Variants in COL23A1 observed in about 807,000 individuals in gnomAD.
The protein encoded by COL23A1 is collagen type XXIII alpha 1 chain, also known as collagen alpha-1(XXIII) chain.
A neutral mutation model predicts 99.3 loss-of-function variants in COL23A1; 97 were observed. The observed-to-expected ratio is 0.98, with a 90% CI of 0.83 to 1.16. The LOEUF (loss-of-function observed/expected upper bound fraction) is 1.16, where lower values mean the gene tolerates loss of function less well. Ranked by LOEUF, COL23A1 falls within the 50% of genes most tolerant of loss-of-function variation. The pLI is 0.00. For synonymous variants in COL23A1, 320 were observed against 308.2 expected (o/e 1.04, Z -0.40); for missense variants, 762 against 757.4 (o/e 1.01, Z -0.07).
Position 178,355,701 on chromosome 5 carries a change from A to C in COL23A1, c.362-48782T>G, listed in dbSNP as rs116110632. On this transcript the variant is annotated intron_variant, in intron 2 of 28. Coordinates refer to ENST00000390654, the MANE Select transcript of COL23A1 (RefSeq NM_173465.4). ...GCTCACGCCGCCAAGGATGTTAGCC[A>C]GAATGGTCTCCATCTCCTGACCTCA... Among the ~76,000 whole-genome samples the C allele has an allele frequency of 5.4e-3, 822 of 152,298 alleles. 10 individuals carry two copies. Among genetic ancestry groups the C allele is most frequent in the Middle Eastern group, 6.8e-3 (2 of 294 alleles).
chr5:178,379,812 C>A (rs764176680), intron 2 of COL23A1, among the ~76,000 whole-genome samples: 1 of 150,066 alleles, frequency 6.7e-6, no homozygotes, highest in African/African-American at 2.5e-5. Flanking sequence ...ACCCAGGAGG[C>A]GGAGGTTGCG....
At chr5:178,467,391 G>A (rs1301325578) in intron 2 of COL23A1, among the ~76,000 whole-genome samples, 4 of 152,232 alleles carry the variant, frequency 2.6e-5, no homozygotes, top group Non-Finnish European at 5.9e-5. Flanking sequence ...TCTGGGCCAC[G>A]CTAAGCTGGG....
intron 2 of COL23A1, among the ~76,000 whole-genome samples, chr5:178,392,135 T>C (rs994932612): frequency 7.1e-6 from 1 of 140,194 alleles, no homozygotes; most frequent in Non-Finnish European, 1.6e-5. Flanking sequence ...TTTTTTTTTT[T>C]TGGTTGATGA....
At chr5:178,534,061 T>C (rs538022252) in intron 2 of COL23A1, among the ~76,000 whole-genome samples, 116 of 152,226 alleles carry the variant, frequency 7.6e-4, no homozygotes, top group African/African-American at 2.6e-3. Context: ...TCCATTAATA[T>C]TGGATGGCCA....
At chr5:178,457,430 G>T (rs893693223) in intron 2 of COL23A1, among the ~76,000 whole-genome samples, 32 of 152,100 alleles carry the variant, frequency 2.1e-4, no homozygotes, top group Non-Finnish European at 4.6e-4. Flanking sequence ...GGCCAGGCTG[G>T]TTTCGAACCC....
At chr5:178,557,048 T>G (rs1050761617) in intron 2 of COL23A1, among the ~76,000 whole-genome samples, 1 of 152,228 alleles carries the variant, frequency 6.6e-6, no homozygotes, top group Admixed American at 6.5e-5. Flanking sequence ...CTCCCAGTTC[T>G]AGGGGCAAGA....
In COL23A1 at chr5:178,239,464, G is replaced by A. The variant is rs188855010; in HGVS notation, c.1582-285C>T. 4.4e-3 allele frequency among the ~76,000 whole-genome samples: 674 copies of A among 152,278 alleles called. 5 individuals are homozygous for A. Among genetic ancestry groups the A allele is most frequent in the African/African-American group, 0.015 (636 of 41,502 alleles). ...GGCAGGAACAGGAGGGCACTAGGAA[G>A]GGATGAGCATTGTGCCAGACATGTA... On this transcript the variant is annotated intron_variant, in intron 27 of 28. Coordinates refer to ENST00000390654, the MANE Select transcript of COL23A1 (RefSeq NM_173465.4).
In COL23A1 at chr5:178,306,724, C is replaced by T. The variant is rs564005919; in HGVS notation, c.406+151G>A. 3.1e-4 allele frequency: 157 copies of T among 508,910 alleles called. No individual in the cohort carries two copies. Among genetic ancestry groups the T allele is most frequent in the South Asian group, 2.1e-3 (55 of 25,682 alleles). 31.5% of individuals were successfully genotyped at this position (508,910 alleles called of 1,614,324 possible). A position where few individuals can be genotyped will look rare whatever the true frequency, so the allele number is the denominator to read the frequency against. On this transcript the variant is annotated intron_variant, in intron 3 of 28. Coordinates refer to ENST00000390654, the MANE Select transcript of COL23A1 (RefSeq NM_173465.4). This position sits in a 1 kb window ranked among gnomAD's most constrained non-coding sequence, Gnocchi z 4.1. ...TACTGGGTGCTGCGGCCTCAGGAAA[C>T]GGCAGCTGGACTTGGAAGGGGGAGG...
chr5:178,542,291 A>G (rs1562070824), intron 2 of COL23A1, among the ~76,000 whole-genome samples: 1 of 152,164 alleles, frequency 6.6e-6, no homozygotes, highest in Non-Finnish European at 1.5e-5. Context: ...TCAGCCTCCC[A>G]AAGTGCTGGG....
At chr5:178,462,163 G>C (rs867934630) in intron 2 of COL23A1, among the ~76,000 whole-genome samples, 3 of 152,170 alleles carry the variant, frequency 2.0e-5, no homozygotes, top group Non-Finnish European at 4.4e-5. Context: ...GCCATGCATG[G>C]TAAACATTTC....
chr5:178,523,276 A>C (rs1227531695), intron 2 of COL23A1, among the ~76,000 whole-genome samples: 4 of 130,306 alleles, frequency 3.1e-5, no homozygotes, highest in Non-Finnish European at 5.0e-5. Flanking sequence ...AGAGAGAGAG[A>C]GAGCGCTAGG....
At position 178,238,546 on chromosome 5, in the gene COL23A1, G is replaced by T; in HGVS notation, c.*152C>A. ...CCACTTTCCGGCAGCTTCACATGCC[G>T]GTGGCTTTGGGGCTGGGTGGGCATA... On this transcript the variant is annotated 3_prime_UTR_variant, in exon 29 of 29. Transcript: ENST00000390654. 1 of 997,728 alleles carries T rather than the reference G, an allele frequency of 1.0e-6. No individual in the cohort carries two copies. The highest frequency in any genetic ancestry group is 1.5e-6 in the Non-Finnish European group (1 of 657,378). The allele number at this position is 997,728 out of a possible 1,614,324, so 61.8% of individuals were successfully genotyped here. A position where few individuals can be genotyped will look rare whatever the true frequency, so the allele number is the denominator to read the frequency against.
intron 2 of COL23A1, among the ~76,000 whole-genome samples, chr5:178,416,791 T>C (rs1422831014): frequency 6.6e-6 from 1 of 152,104 alleles, no homozygotes; most frequent in Non-Finnish European, 1.5e-5. Flanking sequence ...CCCCGGAATC[T>C]AGTTTAAGCA....
chr5:178,550,516 T>C (rs1761941776), intron 2 of COL23A1, among the ~76,000 whole-genome samples: 2 of 152,244 alleles, frequency 1.3e-5, no homozygotes, highest in African/African-American at 2.4e-5. Context: ...TTATGGTTTC[T>C]GACTTCAGTG....
intron 2 of COL23A1, among the ~76,000 whole-genome samples, chr5:178,542,933 T>G (rs1761372254): frequency 6.6e-6 from 1 of 152,202 alleles, no homozygotes; most frequent in African/African-American, 2.4e-5. Flanking sequence ...TATCATATGT[T>G]AAAGCACAGC....
chr5:178,388,793 A>G (rs1409692576), intron 2 of COL23A1, among the ~76,000 whole-genome samples: 1 of 152,142 alleles, frequency 6.6e-6, no homozygotes, highest in South Asian at 2.1e-4. Context: ...GTGGCTCCCT[A>G]TTGCCTATTT....
At chr5:178,353,459 A>G (rs1761445082) in intron 2 of COL23A1, among the ~76,000 whole-genome samples, 1 of 152,218 alleles carries the variant, frequency 6.6e-6, no homozygotes, top group African/African-American at 2.4e-5. Flanking sequence ...ACTTCCTTAA[A>G]ACATTCCTAG....
At chr5:178,327,698 T>C (rs1448228313) in intron 2 of COL23A1, among the ~76,000 whole-genome samples, 1 of 152,098 alleles carries the variant, frequency 6.6e-6, no homozygotes, top group African/African-American at 2.4e-5. Flanking sequence ...CGTGGCCCTC[T>C]GCACCCTCTG....
rs1765638349 is a variant in COL23A1, at chr5:178,261,749, C to A, written c.676-1G>T. On this transcript the variant is annotated splice_acceptor_variant, in intron 10 of 28. Coordinates refer to ENST00000390654, the MANE Select transcript of COL23A1 (RefSeq NM_173465.4). LOFTEE classifies it high-confidence loss of function. ...TGGGCCCTGGGGGTCCCTTTGGGCC[C>A]TGGAACAAGAGAAGAGAAGGTGTTA... 6.2e-7 allele frequency: 1 copy of A among 1,607,816 alleles called. No homozygotes were observed. Among genetic ancestry groups the A allele is most frequent in the African/African-American group, 1.3e-5 (1 of 74,968 alleles).
Sources: allele counts gnomAD v4.1 joint callset (sites outside exome capture counted in the v4.1 genomes callset), GRCh38; gene constraint gnomAD v4.1.1; non-coding constraint Gnocchi (gnomAD v3.1); transcripts MANE v1.5; gene names NCBI Gene and HGNC (gene_info 2026-07-23, HGNC 2026-07-21).